Variants in TBC1D19 observed in about 807,000 individuals in gnomAD.
TBC1D19 encodes TBC1 domain family member 19.
A neutral mutation model predicts 89.0 loss-of-function variants in TBC1D19; 60 were observed. The ratio of observed to expected loss-of-function variants is 0.67; its 90% CI spans 0.55 to 0.84. The LOEUF (loss-of-function observed/expected upper bound fraction) is 0.84. Among genes scored for constraint, TBC1D19 ranks in the 40% least tolerant of loss-of-function variants. The pLI is 0.00. For synonymous variants in TBC1D19, 189 were observed against 199.7 expected (o/e 0.95, Z 0.45); for missense variants, 500 against 610.8 (o/e 0.82, Z 1.91).
intron 15 of TBC1D19, among the ~76,000 whole-genome samples, chr4:26,729,490 G>A (rs1717521962): frequency 6.6e-6 from 1 of 152,220 alleles, no homozygotes; most frequent in African/African-American, 2.4e-5. Context: ...TAAGTACCAT[G>A]AGAATGCAGA....
chr4:26,803,550 G>A, the TBC1D19 span, among the ~76,000 whole-genome samples: 1 of 152,348 alleles, frequency 6.6e-6, no homozygotes, highest in East Asian at 1.9e-4. Flanking sequence ...TCACTTCGCT[G>A]AGCAGAATGG....
At chr4:26,780,095 A>G in the TBC1D19 span, among the ~76,000 whole-genome samples, 2 of 152,218 alleles carry the variant, frequency 1.3e-5, no homozygotes, top group African/African-American at 4.8e-5. Context: ...CCAAAAGTTA[A>G]CCTCTACAGA....
chr4:26,578,201 T>A (rs1411074189), intron 1 of TBC1D19, among the ~76,000 whole-genome samples: 2 of 152,198 alleles, frequency 1.3e-5, no homozygotes, highest in Non-Finnish European at 2.9e-5. Flanking sequence ...GCCCGCCAGT[T>A]ATGCAGTAGA....
At chr4:26,802,665 G>GA in the TBC1D19 span, among the ~76,000 whole-genome samples, 5 of 151,920 alleles carry the variant, frequency 3.3e-5, no homozygotes, top group South Asian at 2.1e-4. Context: ...GCAAGATACA[G>GA]AAAAAAATAT....
At chr4:26,642,359 C>A (rs1352989794) in intron 7 of TBC1D19, among the ~76,000 whole-genome samples, 1 of 152,154 alleles carries the variant, frequency 6.6e-6, no homozygotes, top group Non-Finnish European at 1.5e-5. Flanking sequence ...AAATAAAATC[C>A]TTTACAGACA....
At chr4:26,677,479 G>T (rs565582411) in intron 11 of TBC1D19, among the ~76,000 whole-genome samples, 1 of 151,924 alleles carries the variant, frequency 6.6e-6, no homozygotes, top group Admixed American at 6.6e-5. Context: ...CCACTACACC[G>T]GCTAATTTTT....
intron 7 of TBC1D19, among the ~76,000 whole-genome samples, chr4:26,641,742 A>G (rs959746839): frequency 1.9e-4 from 28 of 150,834 alleles, no homozygotes; most frequent in African/African-American, 6.8e-4. Flanking sequence ...GAATGACCTG[A>G]TGGAGCTGAA....
intron 18 of TBC1D19, among the ~76,000 whole-genome samples, chr4:26,743,271 AT>A (rs1718474145): frequency 6.6e-6 from 1 of 152,112 alleles, no homozygotes; most frequent in South Asian, 2.1e-4. Flanking sequence ...AGGAGGGCAT[AT>A]TTGAAAAAAG....
the TBC1D19 span, among the ~76,000 whole-genome samples, chr4:26,765,337 A>G: frequency 6.6e-6 from 1 of 152,168 alleles, no homozygotes; most frequent in South Asian, 2.1e-4. Context: ...CATGTCCCCA[A>G]GATATAGCCT....
chr4:26,577,856 C>A (rs1218866662), intron 1 of TBC1D19, among the ~76,000 whole-genome samples: 1 of 152,118 alleles, frequency 6.6e-6, no homozygotes, highest in Non-Finnish European at 1.5e-5. Context: ...ATTGTTAAAA[C>A]CTTTTTATAT....
intron 15 of TBC1D19, among the ~76,000 whole-genome samples, chr4:26,732,559 G>A (rs536205935): frequency 7.9e-4 from 120 of 152,346 alleles, no homozygotes; most frequent in Non-Finnish European, 1.8e-4. Flanking sequence ...GGAAGGGATG[G>A]TTGATGGGGC....
intron 3 of TBC1D19, among the ~76,000 whole-genome samples, chr4:26,618,121 A>G (rs780261562): frequency 3.3e-5 from 5 of 152,152 alleles, no homozygotes; most frequent in East Asian, 3.9e-4. Context: ...TATGTTTGCT[A>G]TTGTGCACAG....
the TBC1D19 span, among the ~76,000 whole-genome samples, chr4:26,788,268 T>C: frequency 6.6e-6 from 1 of 152,034 alleles, no homozygotes; most frequent in Non-Finnish European, 1.5e-5. Flanking sequence ...TTTCCTTCCA[T>C]AGGAGGCAGC....
intron 1 of TBC1D19, among the ~76,000 whole-genome samples, chr4:26,594,242 A>C (rs1370221724): frequency 6.6e-6 from 1 of 152,186 alleles, no homozygotes; most frequent in Non-Finnish European, 1.5e-5. Context: ...TCGCATGGAC[A>C]AAAAACCAAA....
At chr4:26,830,924 C>A in the TBC1D19 span, among the ~76,000 whole-genome samples, 1 of 152,174 alleles carries the variant, frequency 6.6e-6, no homozygotes, top group Non-Finnish European at 1.5e-5. Context: ...TGTATATGCC[C>A]ATTTTTAGCC....
At chr4:26,765,404 G>A in the TBC1D19 span, among the ~76,000 whole-genome samples, 1 of 150,784 alleles carries the variant, frequency 6.6e-6, no homozygotes, top group Admixed American at 6.6e-5. Flanking sequence ...GAAAAACCCA[G>A]GATTTTAATG....
the TBC1D19 span, among the ~76,000 whole-genome samples, chr4:26,849,036 C>T: frequency 6.6e-6 from 1 of 152,040 alleles, no homozygotes; most frequent in Non-Finnish European, 1.5e-5. Flanking sequence ...GCTGGGCCAT[C>T]ATGTTGCATG....
At chr4:26,786,417 G>A in the TBC1D19 span, among the ~76,000 whole-genome samples, 14 of 152,216 alleles carry the variant, frequency 9.2e-5, no homozygotes, top group Admixed American at 6.5e-4. Flanking sequence ...GGTGGATCAC[G>A]AGGTCAGGAG....
chr4:26,756,011 A>G lies in TBC1D19; in HGVS notation c.*1064A>G, dbSNP rs1719243991. 6.6e-6 allele frequency among the ~76,000 whole-genome samples: 1 copy of G among 152,242 alleles called. No individual in the cohort carries two copies. Among genetic ancestry groups the G allele is most frequent in the Non-Finnish European group, 1.5e-5 (1 of 68,038 alleles). On this transcript the variant is annotated 3_prime_UTR_variant, in exon 21 of 21. Transcript: ENST00000264866. Reference sequence around the variant, plus strand: ...CTTTGATTTTAGTTTCAAATTTAAGATGCTGATCACTTCACTAAAACTGTA... The same window carrying G: ...CTTTGATTTTAGTTTCAAATTTAAGGTGCTGATCACTTCACTAAAACTGTA...
Sources: allele counts gnomAD v4.1 joint callset (sites outside exome capture counted in the v4.1 genomes callset), GRCh38; gene constraint gnomAD v4.1.1; transcripts MANE v1.5; gene names NCBI Gene and HGNC (gene_info 2026-07-23, HGNC 2026-07-21).